The following SLC6A19 variants were observed in gnomAD, a reference collection of about 807,000 sequenced individuals.
SLC6A19 encodes solute carrier family 6 member 19.
SLC6A19 carries 67 observed loss-of-function variants against 68.3 expected under a neutral mutation model. The ratio of observed to expected loss-of-function variants is 0.98; its 90% confidence interval spans 0.81 to 1.20. The LOEUF is 1.20. Among genes scored for constraint, SLC6A19 ranks in the 50% most tolerant of loss-of-function variants. The pLI is 0.00. For missense variants in SLC6A19, 813 were observed against 851.6 expected, an observed-to-expected ratio of 0.95 and a Z score of 0.56; for synonymous variants, 392 against 374.9, an observed-to-expected ratio of 1.05 and a Z score of -0.53.
Position 1,219,608 on chromosome 5 carries a change from G to A in SLC6A19, c.1482G>A (p.Leu494=). Residue 494 remains leucine, a synonymous_variant, in exon 10 of 12, where the codon CTG becomes CTA. Coordinates refer to ENST00000304460, the MANE Select transcript of SLC6A19 (RefSeq NM_001003841.3). ...LLDSYAGSIP[L]LIIAFCEMFS... ...ACAGCTATGCCGGCTCCATTCCCCT[G>A]CTCATCATCGCCTTCTGCGAGATGT... The A allele has an allele frequency of 6.2e-7, 1 of 1,610,646 alleles. No individual in the cohort carries two copies.
At chr5:1,208,291 G>A (rs977527872) in intron 1 of SLC6A19, among the ~76,000 whole-genome samples, 3 of 152,254 alleles carry the variant, frequency 2.0e-5, no homozygotes, top group South Asian at 2.1e-4. Flanking sequence ...AAGGAGGGAC[G>A]TGGCAGGTGC....
Position 1,219,021 on chromosome 5 carries a change from CTA to C in SLC6A19, c.1294_1295del (p.Met432ValfsTer84), listed in dbSNP as rs1456715257. 4 of 1,614,028 alleles carry C rather than the reference CTA, an allele frequency of 2.5e-6. No homozygotes were observed. The highest frequency in any genetic ancestry group is 3.4e-6 in the Non-Finnish European group (4 of 1,180,004). On this transcript the variant is annotated frameshift_variant, in exon 9 of 12. Coordinates refer to ENST00000304460, the MANE Select transcript of SLC6A19 (RefSeq NM_001003841.3). LOFTEE classifies it high-confidence loss of function. The stretch of plus-strand genomic sequence containing the variant: ...ATGCTCTTCTGCCTGGGGCTGTCAT[CTA>C]TGTTTGGGAACATGGAGGGCGTCGT...
intron 1 of SLC6A19, among the ~76,000 whole-genome samples, chr5:1,206,772 T>C (rs994534645): frequency 6.6e-6 from 1 of 151,982 alleles, no homozygotes; most frequent in African/African-American, 2.4e-5. Flanking sequence ...GACCCCAGTG[T>C]CATGTGAGCA....
intron 5 of SLC6A19, 134 bp from the exon 6 acceptor site, chr5:1,213,819 C>T: frequency 1.4e-6 from 2 of 1,435,318 alleles, no homozygotes; most frequent in Non-Finnish European, 1.9e-6. Context: ...GCATAGCTGC[C>T]ACCCCAGGGG....
intron 1 of SLC6A19, among the ~76,000 whole-genome samples, chr5:1,207,634 T>G (rs536878656): frequency 6.6e-6 from 1 of 152,356 alleles, no homozygotes; most frequent in African/African-American, 2.4e-5. Context: ...CCACTCGGCT[T>G]CCTCTCAGGA....
At chr5:1,220,669 T>C (rs1451237499) in intron 10 of SLC6A19, among the ~76,000 whole-genome samples, 1 of 152,188 alleles carries the variant, frequency 6.6e-6, no homozygotes, top group African/African-American at 2.4e-5. Context: ...GGGACCGGCT[T>C]GGGTGTAACC....
Position 1,208,819 on chromosome 5 carries a change from C to T in SLC6A19, c.276C>T (p.Ile92=), listed in dbSNP as rs146678323. Residue 92 remains isoleucine (I), a synonymous_variant, in exon 2 of 12, where the codon ATC becomes ATT. Coordinates refer to ENST00000304460, the MANE Select transcript of SLC6A19 (RefSeq NM_001003841.3). The stretch of plus-strand genomic sequence containing the variant: ...CCCTGCTGTACCTGGAGTTCGCCAT[C>T]GGGCAGCGGCTGCGGCGGGGCAGCC... The part of the protein sequence containing the change: ...GIPLLYLEFA[I]GQRLRRGSLG... The T allele has an allele frequency of 8.4e-4, 1,349 of 1,613,272 alleles. 3 individuals are homozygous for T. The highest frequency in any genetic ancestry group is 1.8e-3 in the Middle Eastern group (11 of 6,060).
At position 1,221,624 on chromosome 5, in the gene SLC6A19, G is replaced by T. The variant is rs1036928885; in HGVS notation, c.1702-77G>T. On this transcript the variant is annotated intron_variant, in intron 11 of 11. Transcript: ENST00000304460. Reference sequence around the variant, plus strand: ...CACAGGACAGGAGGTGAGAGTCATGGGGTGAGGGGCCTTTGCCTCAAAGTG... The same window carrying T: ...CACAGGACAGGAGGTGAGAGTCATGTGGTGAGGGGCCTTTGCCTCAAAGTG... 3 of 1,562,764 alleles carry T rather than the reference G, an allele frequency of 1.9e-6. No homozygotes were observed. The East Asian group carries it at 6.7e-5, about 35-fold the overall frequency.
intron 10 of SLC6A19, 118 bp downstream of exon 10, chr5:1,219,782 G>GC: frequency 7.2e-7 from 1 of 1,391,416 alleles, no homozygotes; most frequent in Admixed American, 1.8e-5. Context: ...ATGACTCGGG[G>GC]CCTCGGCCGG....
chr5:1,206,561 G>C (rs1745857743), intron 1 of SLC6A19, among the ~76,000 whole-genome samples: 1 of 152,316 alleles, frequency 6.6e-6, no homozygotes, highest in Middle Eastern at 3.4e-3. Flanking sequence ...TGGAATGGAG[G>C]GAGCTCAGGG....
At chr5:1,205,764 A>G (rs376676729) in intron 1 of SLC6A19, among the ~76,000 whole-genome samples, 25 of 149,024 alleles carry the variant, frequency 1.7e-4, no homozygotes, top group East Asian at 1.4e-3. Context: ...AGCTCTTGGG[A>G]AAAAAAAATT....
Position 1,224,898 on chromosome 5 carries a change from G to A in SLC6A19, c.*2994G>A, listed in dbSNP as rs1361713165. 1 of 154,646 alleles carries A rather than the reference G, an allele frequency of 6.5e-6. No individual in the cohort carries two copies. Among genetic ancestry groups the A allele is most frequent in the Non-Finnish European group, 1.4e-5 (1 of 69,606 alleles). 9.6% of individuals were successfully genotyped at this position (154,646 alleles called of 1,614,324 possible). A position where few individuals can be genotyped will look rare whatever the true frequency, so the allele number is the denominator to read the frequency against. On this transcript the variant is annotated 3_prime_UTR_variant, in exon 12 of 12. Coordinates refer to ENST00000304460, the MANE Select transcript of SLC6A19 (RefSeq NM_001003841.3). The stretch of plus-strand genomic sequence containing the variant: ...AGCCCTCTGCCCCCACGCACGGTGG[G>A]TGCCTGTCACCCTGTCCTGCCCAGC...
chr5:1,218,533 G>A (rs985993036), intron 8 of SLC6A19, among the ~76,000 whole-genome samples: 3 of 152,196 alleles, frequency 2.0e-5, no homozygotes, highest in African/African-American at 4.8e-5. Context: ...CCTGCCTTCC[G>A]AGCACGTCCA....
intron 1 of SLC6A19, among the ~76,000 whole-genome samples, chr5:1,204,050 A>G (rs1166767361): frequency 6.6e-6 from 1 of 152,100 alleles, no homozygotes; most frequent in Non-Finnish European, 1.5e-5. Context: ...CTCTCTGTGC[A>G]TCTTAGTGAG....
rs1268068346 is a variant in SLC6A19, at chr5:1,217,090, T to C, written c.1173+145T>C. 4.5e-6 allele frequency: 6 copies of C among 1,337,704 alleles called. No individual in the cohort carries two copies. The African/African-American group carries it at 8.7e-5, about 19-fold the overall frequency. 82.9% of individuals were successfully genotyped at this position (1,337,704 alleles called of 1,614,324 possible). ...CCCAGCTCCCACTGTCTGCTCTGCC[T>C]GGCGTCCAGGGCTCTTCGGTCTGGG... On this transcript the variant is annotated intron_variant, in intron 8 of 11. Transcript: ENST00000304460.
Position 1,216,800 on chromosome 5 carries a change from C to A in SLC6A19, c.1028C>A (p.Thr343Asn). The change falls in exon 8 of 12, where the codon ACC becomes AAC. Residue 343 changes from threonine to asparagine, a missense_variant. Physicochemically the swap from Thr to Asn is moderately conservative, Grantham distance 65. Transcript: ENST00000304460. ...AATCTGACCCGCAGGAACATCCTGA[C>A]CCTCATCAACGGGTTCGACCTGCCT... is the stretch of plus-strand genomic sequence containing the variant. ...YDDCFSTNILTLINGFDLPEG... is the reference protein window; with the variant it reads ...YDDCFSTNILNLINGFDLPEG... 4 of 1,613,790 alleles carry A rather than the reference C, an allele frequency of 2.5e-6. No homozygotes were observed. Among genetic ancestry groups the A allele is most frequent in the Non-Finnish European group, 3.4e-6 (4 of 1,180,036 alleles).
chr5:1,206,817 C>T (rs116343182), intron 1 of SLC6A19, among the ~76,000 whole-genome samples: 117 of 152,286 alleles, frequency 7.7e-4, no homozygotes, highest in Non-Finnish European at 1.5e-3. Context: ...TCAGCCACCA[C>T]GGGACACAAA....
chr5:1,208,724 T>C, intron 1 of SLC6A19, 22 bp from the exon 2 acceptor site: 1 of 1,613,310 alleles, frequency 6.2e-7, no homozygotes, highest in East Asian at 2.2e-5. Flanking sequence ...CTCTCAGGCA[T>C]GGTGGACTCC....
intron 10 of SLC6A19, 58 bp downstream of exon 10, chr5:1,219,722 T>C (rs1746316342): frequency 6.3e-7 from 1 of 1,594,536 alleles, no homozygotes; most frequent in Non-Finnish European, 8.5e-7. Flanking sequence ...TCACAGGGCG[T>C]TCCTGTGAGG....
Sources: allele counts gnomAD v4.1 joint callset (sites outside exome capture counted in the v4.1 genomes callset), GRCh38; gene constraint gnomAD v4.1.1; transcripts MANE v1.5; gene names NCBI Gene and HGNC (gene_info 2026-07-23, HGNC 2026-07-21).